CYFIP2: variants seen among roughly 807,000 people sequenced by gnomAD.
The protein encoded by CYFIP2 is cytoplasmic FMR1 interacting protein 2.
In CYFIP2, 29 loss-of-function variants were observed where a neutral mutation model predicts 158.7. That is an observed-to-expected ratio of 0.18 (90% confidence interval 0.14 to 0.25). CYFIP2 has a LOEUF of 0.25. CYFIP2 is among the 10% of genes least tolerant of loss of function. The pLI, the probability that CYFIP2 is intolerant of heterozygous loss-of-function variation, is 1.00. For synonymous variants in CYFIP2, 585 were observed against 617.6 expected (o/e 0.95, Z 0.78); for missense variants, 852 against 1,639.5 (o/e 0.52, Z 8.29).
chr5:157,291,882 A>T (rs10072328), intron 3 of CYFIP2, among the ~76,000 whole-genome samples: 219 of 152,358 alleles, frequency 1.4e-3, no homozygotes, highest in African/African-American at 4.9e-3. Context: ...ATAAAAAGAG[A>T]TGGCCTAGTA....
chr5:157,331,010 A>G (rs185957026), intron 20 of CYFIP2, among the ~76,000 whole-genome samples, 160 bp downstream of exon 20: 102 of 152,268 alleles, frequency 6.7e-4, no homozygotes, highest in East Asian at 1.2e-3. Context: ...GATCTCATAA[A>G]CAATAAAGAG....
At chr5:157,314,080 CAT>C (rs906447902) in intron 11 of CYFIP2, among the ~76,000 whole-genome samples, 2 of 152,078 alleles carry the variant, frequency 1.3e-5, no homozygotes, top group Non-Finnish European at 2.9e-5. Context: ...AAAAGAAAAA[CAT>C]ATTGGTGCAT....
At chr5:157,291,162 A>G (rs538716404) in intron 3 of CYFIP2, among the ~76,000 whole-genome samples, 1 of 152,332 alleles carries the variant, frequency 6.6e-6, no homozygotes, top group South Asian at 2.1e-4. Context: ...CCAGGGATAA[A>G]TATTTAGTTA....
At position 157,311,074 on chromosome 5, in the gene CYFIP2, GAGA is replaced by G; in HGVS notation, c.993-587_993-585del. On this transcript the variant is annotated intron_variant, in intron 10 of 30. Transcript: ENST00000620254. This position sits in a 1 kb window ranked among gnomAD's most constrained non-coding sequence, Gnocchi z 4.7. ...AGGGAAGGAGGAAAGAGGGTGGAAA[GAGA>G]AGGAGAGAAGGGGGCGAGAGGTAGA... The G allele has an allele frequency of 2.3e-6, 1 of 443,416 alleles. No individual in the cohort carries two copies. Among genetic ancestry groups the G allele is most frequent in the South Asian group, 1.6e-5 (1 of 63,614 alleles). The allele number at this position is 443,416 out of a possible 1,614,324, so 27.5% of individuals were successfully genotyped here.
intron 1 of CYFIP2, among the ~76,000 whole-genome samples, chr5:157,283,862 C>T (rs1444534342): frequency 6.6e-6 from 1 of 152,120 alleles, no homozygotes; most frequent in South Asian, 2.1e-4. Context: ...TGGTCCTTTT[C>T]CCCCCTAATG....
intron 3 of CYFIP2, among the ~76,000 whole-genome samples, chr5:157,292,181 TTTTC>T (rs1334099791): frequency 3.3e-5 from 5 of 151,916 alleles, no homozygotes; most frequent in African/African-American, 1.2e-4. Context: ...TAACATAATG[TTTTC>T]TTTCTTTCTT....
chr5:157,302,434 A>G (rs1353662946), intron 6 of CYFIP2, among the ~76,000 whole-genome samples: 1 of 152,170 alleles, frequency 6.6e-6, no homozygotes, highest in Non-Finnish European at 1.5e-5. Context: ...ATAACTTACT[A>G]TGCAGCCTCA....
chr5:157,270,815 A>C (rs1168902024), intron 1 of CYFIP2, among the ~76,000 whole-genome samples: 1 of 152,190 alleles, frequency 6.6e-6, no homozygotes, highest in Non-Finnish European at 1.5e-5. Flanking sequence ...TAATTTTTTT[A>C]AACCAGAAGT....
rs1255158256 is a variant in CYFIP2, at chr5:157,311,143, T to C, written c.993-521T>C. 8.8e-6 allele frequency: 4 copies of C among 452,866 alleles called. No homozygotes were observed. Among genetic ancestry groups the C allele is most frequent in the Non-Finnish European group, 1.8e-5 (4 of 225,964 alleles). The allele number at this position is 452,866 out of a possible 1,614,324, so 28.1% of individuals were successfully genotyped here. ...GAGGGGCCACCCCCACGTCTCAGAG[T>C]GGCCCTGGCTTCTCCCACCACAGTG... On this transcript the variant is annotated intron_variant, in intron 10 of 30. Coordinates refer to ENST00000620254, the MANE Select transcript of CYFIP2 (RefSeq NM_001037333.3). This position sits in a 1 kb window ranked among gnomAD's most constrained non-coding sequence, Gnocchi z 4.7.
chr5:157,274,129 T>TGAA (rs1756348197), intron 1 of CYFIP2, among the ~76,000 whole-genome samples: 1 of 123,216 alleles, frequency 8.1e-6, no homozygotes, highest in South Asian at 2.5e-4. Context: ...AAACTCTGTG[T>TGAA]AAAAAAAAAA....
At chr5:157,366,561 T>TTTTA (rs897024445) in intron 26 of CYFIP2, among the ~76,000 whole-genome samples, 5 of 152,204 alleles carry the variant, frequency 3.3e-5, no homozygotes, top group African/African-American at 9.7e-5. Flanking sequence ...AGTATAAATC[T>TTTTA]TTTATTTCCA....
intron 1 of CYFIP2, among the ~76,000 whole-genome samples, chr5:157,270,322 C>T (rs1755984922): frequency 6.6e-6 from 1 of 152,112 alleles, no homozygotes; most frequent in African/African-American, 2.4e-5. Flanking sequence ...AGGTCCTCTG[C>T]AGGAAATAAA....
At chr5:157,367,996 G>GATCT (rs1195069799) in intron 26 of CYFIP2, among the ~76,000 whole-genome samples, 2 of 151,958 alleles carry the variant, frequency 1.3e-5, no homozygotes, top group Non-Finnish European at 2.9e-5. Context: ...GACCTCAAGT[G>GATCT]ATCTGCCCAC....
intron 2 of CYFIP2, among the ~76,000 whole-genome samples, chr5:157,286,554 A>G (rs7728437): frequency 0.22 from 12,318 of 57,244 alleles, 780 homozygotes; most frequent in East Asian, 0.58. Flanking sequence ...TATTTTATGT[A>G]TATATATATA....
chr5:157,292,804 G>T (rs1025587598), intron 3 of CYFIP2, among the ~76,000 whole-genome samples: 10 of 144,226 alleles, frequency 6.9e-5, no homozygotes, highest in African/African-American at 2.4e-4. Flanking sequence ...TGTGGTTAAC[G>T]TGTTGTGACA....
rs762837641 is a variant in CYFIP2, at chr5:157,364,211, G to C, written c.3039+2613G>C. The C allele has an allele frequency of 5.2e-4, 75 of 143,402 alleles. 4 individuals are homozygous for C. The highest frequency in any genetic ancestry group is 1.7e-3 in the African/African-American group (67 of 38,368). The allele number at this position is 143,402 out of a possible 1,614,324, so 8.9% of individuals were successfully genotyped here. On this transcript the variant is annotated intron_variant, in intron 26 of 30. Transcript: ENST00000620254. ...GGAGGTGGGGCGGGGTGGCGGGGGG[G>C]GGTGGGTCCCTGAAGCCTCAGTCCC...
At chr5:157,294,352 C>T (rs983017808) in intron 3 of CYFIP2, among the ~76,000 whole-genome samples, 13 of 152,188 alleles carry the variant, frequency 8.5e-5, no homozygotes, top group African/African-American at 2.2e-4. Flanking sequence ...ATTTCTCTGT[C>T]GTAATCTTTG....
chr5:157,348,007 C>T (rs1337062649), intron 23 of CYFIP2, among the ~76,000 whole-genome samples: 1 of 152,250 alleles, frequency 6.6e-6, no homozygotes, highest in Non-Finnish European at 1.5e-5. Flanking sequence ...GGGACACCTG[C>T]CCCAGGACAT....
intron 1 of CYFIP2, among the ~76,000 whole-genome samples, chr5:157,280,112 T>G (rs1460765426): frequency 6.6e-6 from 1 of 152,232 alleles, no homozygotes; most frequent in Non-Finnish European, 1.5e-5. Context: ...GGTTGTTCAC[T>G]TACTTATTGA....
Sources: allele counts gnomAD v4.1 joint callset (sites outside exome capture counted in the v4.1 genomes callset), GRCh38; gene constraint gnomAD v4.1.1; non-coding constraint Gnocchi (gnomAD v3.1); transcripts MANE v1.5; gene names NCBI Gene and HGNC (gene_info 2026-07-23, HGNC 2026-07-21).